Variants in NRG3 observed in about 807,000 individuals in gnomAD.
NRG3 encodes pro-neuregulin-3, membrane-bound isoform.
In NRG3, 31 loss-of-function variants were observed where a neutral mutation model predicts 66.9. The observed-to-expected ratio is 0.46, with a 90% confidence interval of 0.35 to 0.63. The LOEUF (loss-of-function observed/expected upper bound fraction) is 0.63, where lower values mean the gene tolerates loss of function less well. Ranked by LOEUF, NRG3 falls within the 20% of genes least tolerant of loss-of-function variation. The pLI is 0.00. For synonymous variants in NRG3, 393 were observed against 359.4 expected (o/e 1.09, Z -1.06); for missense variants, 910 against 878.9 (o/e 1.04, Z -0.45).
chr10:81,997,867 CTT>C (rs58891996), intron 1 of NRG3, among the ~76,000 whole-genome samples: 1,608 of 140,756 alleles, frequency 0.011, 75 homozygotes, highest in Admixed American at 0.09. Flanking sequence ...AAAGGCCCAA[CTT>C]TTTTTTTTTT....
At chr10:82,765,587 G>C (rs887156892) in intron 3 of NRG3, among the ~76,000 whole-genome samples, 1 of 151,998 alleles carries the variant, frequency 6.6e-6, no homozygotes, top group Admixed American at 6.6e-5. Context: ...ACCAAAGGTA[G>C]GAATATAGGA....
At chr10:82,374,165 A>G (rs543836040) in intron 2 of NRG3, among the ~76,000 whole-genome samples, 4 of 152,334 alleles carry the variant, frequency 2.6e-5, no homozygotes, top group East Asian at 1.9e-4. Flanking sequence ...TCAATCTTCT[A>G]TTTCAAACCT....
chr10:82,722,840 G>T (rs2057387996), intron 2 of NRG3, among the ~76,000 whole-genome samples: 1 of 151,992 alleles, frequency 6.6e-6, no homozygotes. Flanking sequence ...TTCCAAAGTT[G>T]GTCTTCATGA....
At chr10:82,386,055 G>A in intron 2 of NRG3, among the ~76,000 whole-genome samples, 1 of 151,950 alleles carries the variant, frequency 6.6e-6, no homozygotes, top group Admixed American at 6.6e-5. Flanking sequence ...TTTTCCATGA[G>A]GCTTTTCCAT....
At chr10:82,953,827 G>A (rs1227066788) in intron 5 of NRG3, among the ~76,000 whole-genome samples, 1 of 151,622 alleles carries the variant, frequency 6.6e-6, no homozygotes, top group Non-Finnish European at 1.5e-5. Flanking sequence ...GCATGGTGGT[G>A]AGCACCTGTA....
At chr10:82,069,426 G>A (rs189407474) in intron 1 of NRG3, among the ~76,000 whole-genome samples, 10 of 152,260 alleles carry the variant, frequency 6.6e-5, no homozygotes, top group South Asian at 4.2e-4. Context: ...GTGAGGCACC[G>A]GGCACACATG....
chr10:82,895,140 T>C (rs997872234), intron 4 of NRG3, among the ~76,000 whole-genome samples: 3 of 152,176 alleles, frequency 2.0e-5, no homozygotes, highest in Admixed American at 1.3e-4. Context: ...ATCCAGTCTA[T>C]CATTGATGGG....
At chr10:82,010,478 T>C (rs2132629444) in intron 1 of NRG3, among the ~76,000 whole-genome samples, 1 of 152,190 alleles carries the variant, frequency 6.6e-6, no homozygotes, top group East Asian at 1.9e-4. Context: ...TCTATAACCA[T>C]TAATTTGTGT....
intron 1 of NRG3, among the ~76,000 whole-genome samples, chr10:82,192,115 G>T (rs1260049810): frequency 6.6e-6 from 1 of 152,092 alleles, no homozygotes; most frequent in African/African-American, 2.4e-5. Flanking sequence ...ATCAATATGT[G>T]TAAGAATTAA....
At chr10:82,707,501 A>G (rs2056382355) in intron 2 of NRG3, among the ~76,000 whole-genome samples, 1 of 151,568 alleles carries the variant, frequency 6.6e-6, no homozygotes, top group Non-Finnish European at 1.5e-5. Context: ...GGAGGCAAGA[A>G]GCTGGTACCT....
At chr10:82,734,202 A>G (rs2783415) in intron 2 of NRG3, among the ~76,000 whole-genome samples, 103,672 of 152,076 alleles carry the variant, frequency 0.68, 35,782 homozygotes, top group East Asian at 0.8. Flanking sequence ...CTCTTTACTT[A>G]AACCAGCCAC....
intron 1 of NRG3, among the ~76,000 whole-genome samples, chr10:82,086,248 T>C (rs2065719515): frequency 6.6e-6 from 1 of 152,148 alleles, no homozygotes; most frequent in East Asian, 1.9e-4. Context: ...TTTGAGCTTT[T>C]CTTTTTGAAC....
chr10:81,941,689 G>T (rs1848417386), intron 1 of NRG3, among the ~76,000 whole-genome samples: 1 of 152,108 alleles, frequency 6.6e-6, no homozygotes, highest in Non-Finnish European at 1.5e-5. Context: ...TTTCCTAGCA[G>T]TATGTCCAGT....
intron 2 of NRG3, among the ~76,000 whole-genome samples, chr10:82,390,118 C>CCTAT (rs1438554396): frequency 6.6e-6 from 1 of 152,136 alleles, no homozygotes; most frequent in East Asian, 1.9e-4. Context: ...AGAGTACAAA[C>CCTAT]CTATCTGTCC....
intron 2 of NRG3, among the ~76,000 whole-genome samples, chr10:82,477,215 A>T (rs989644498): frequency 1.3e-5 from 2 of 152,224 alleles, no homozygotes; most frequent in African/African-American, 4.8e-5. Flanking sequence ...AAGAACCTCA[A>T]CTGTGACCTG....
rs151314441 is a variant in NRG3 at position 82,604,401 on chromosome 10, G to A, written c.954-134176G>A. On this transcript the variant is annotated intron_variant, in intron 2 of 8. Coordinates refer to ENST00000372141, the MANE Select transcript of NRG3 (RefSeq NM_001010848.4). ...TTATTTCTCTGAATAATATTCCGTC[G>A]CATAAATGTGCCACAGTTTGCTTAT... is the stretch of plus-strand genomic sequence containing the variant. 4.6e-5 allele frequency among the ~76,000 whole-genome samples: 7 copies of A among 152,046 alleles called. No homozygotes were observed. In the East Asian group the frequency reaches 7.7e-4, roughly 17 times the overall value.
At chr10:82,043,557 A>G (rs1440521493) in intron 1 of NRG3, among the ~76,000 whole-genome samples, 1 of 151,908 alleles carries the variant, frequency 6.6e-6, no homozygotes, top group Non-Finnish European at 1.5e-5. Flanking sequence ...ATTTTGATCA[A>G]TTTCTGTTTG....
intron 1 of NRG3, among the ~76,000 whole-genome samples, chr10:82,350,161 G>C (rs185963804): frequency 1.3e-5 from 2 of 152,326 alleles, no homozygotes; most frequent in East Asian, 1.9e-4. Flanking sequence ...CCTCAGGTAT[G>C]TTCACAAAAG....
chr10:82,794,326 T>C (rs913557630), intron 3 of NRG3, among the ~76,000 whole-genome samples: 3 of 152,168 alleles, frequency 2.0e-5, no homozygotes, highest in Non-Finnish European at 4.4e-5. Context: ...ACCAACATCC[T>C]CTGTGTCTGG....
Sources: allele counts gnomAD v4.1 joint callset (sites outside exome capture counted in the v4.1 genomes callset), GRCh38; gene constraint gnomAD v4.1.1; transcripts MANE v1.5; gene names NCBI Gene and HGNC (gene_info 2026-07-23, HGNC 2026-07-21).